CDC42BPA: variants seen among roughly 807,000 people sequenced by gnomAD.
The protein encoded by CDC42BPA is CDC42 binding protein kinase alpha, also known as serine/threonine-protein kinase MRCK alpha.
A neutral mutation model predicts 223.5 loss-of-function variants in CDC42BPA; 80 were observed. The ratio of observed to expected loss-of-function variants is 0.36; its 90% CI spans 0.30 to 0.43. The LOEUF (loss-of-function observed/expected upper bound fraction) is 0.43, where lower values mean the gene tolerates loss of function less well. Among genes scored for constraint, CDC42BPA ranks in the 20% least tolerant of loss-of-function variants. CDC42BPA has a pLI of 1.00. For missense variants in CDC42BPA, 1,743 were observed against 2,099.9 expected (o/e 0.83, Z 3.32); for synonymous variants, 694 against 718.6 (o/e 0.97, Z 0.55).
chr1:227,168,497 G>GTTTTTTTTTTTTGTTTTTGT lies in CDC42BPA; in HGVS notation c.600-7862_600-7861insACAAAAACAAAAAAAAAAAA, dbSNP rs1553374261. ...CTTTTTCATATTTATCTTCCCTGGT[G>GTTTTTTTTTTTTGTTTTTGT]TTTTTTTTTTTTTTTTGAGGCAGAG... On this transcript the variant is annotated intron_variant, in intron 5 of 36. Coordinates refer to ENST00000366766, the MANE Select transcript of CDC42BPA (RefSeq NM_001394014.1). 2.7e-3 allele frequency among the ~76,000 whole-genome samples: 216 copies of GTTTTTTTTTTTTGTTTTTGT among 80,206 alleles called. 13 individuals carry two copies. The highest frequency in any genetic ancestry group is 9.8e-3 in the African/African-American group (197 of 20,202). The allele number at this position is 80,206 out of a possible 152,430, so 52.6% of individuals were successfully genotyped here.
At chr1:227,197,584 T>C (rs1204179272) in intron 4 of CDC42BPA, among the ~76,000 whole-genome samples, 1 of 151,486 alleles carries the variant, frequency 6.6e-6, no homozygotes, top group Non-Finnish European at 1.5e-5. Context: ...TAAATCACAG[T>C]TCAGGCTTTT....
chr1:227,244,369 C>A (rs924045866), intron 2 of CDC42BPA, among the ~76,000 whole-genome samples: 1 of 151,956 alleles, frequency 6.6e-6, no homozygotes, highest in African/African-American at 2.4e-5. Context: ...TACTGTTGAG[C>A]ACAAGAAGCC....
chr1:227,122,848 A>G (rs895420083), intron 11 of CDC42BPA, among the ~76,000 whole-genome samples: 3 of 152,250 alleles, frequency 2.0e-5, no homozygotes, highest in Non-Finnish European at 2.9e-5. Context: ...GTCAAATACT[A>G]TAAAATGAGT....
intron 2 of CDC42BPA, among the ~76,000 whole-genome samples, chr1:227,253,808 T>G (rs1395763669): frequency 6.6e-6 from 1 of 152,048 alleles, no homozygotes; most frequent in Non-Finnish European, 1.5e-5. Flanking sequence ...AGAAACACAC[T>G]CATATTTACA....
At chr1:227,112,092 T>C (rs574751797) in intron 14 of CDC42BPA, 16 of 371,912 alleles carry the variant, frequency 4.3e-5, no homozygotes, top group African/African-American at 1.9e-4. Flanking sequence ...TCCCTCCTGA[T>C]AGATTCATAT....
At chr1:227,162,866 A>ATGTGTGTGTGTGTGTGTGTGTG (rs71574598) in intron 5 of CDC42BPA, among the ~76,000 whole-genome samples, 16 of 127,270 alleles carry the variant, frequency 1.3e-4, no homozygotes, top group South Asian at 5.8e-4. Flanking sequence ...AAATAAATAT[A>ATGTGTGTGTGTGTGTGTGTGTG]TATGTGTGTG....
At chr1:227,316,315 C>A (rs944776041) in intron 1 of CDC42BPA, among the ~76,000 whole-genome samples, 3 of 152,178 alleles carry the variant, frequency 2.0e-5, no homozygotes, top group Non-Finnish European at 2.9e-5. Flanking sequence ...TCTTCTAAAT[C>A]ACATCTATAT....
intron 1 of CDC42BPA, among the ~76,000 whole-genome samples, chr1:227,288,786 G>C (rs1689213793): frequency 6.6e-6 from 1 of 151,816 alleles, no homozygotes; most frequent in Non-Finnish European, 1.5e-5. Flanking sequence ...CCTGAGGTCA[G>C]GAGTTCGAGA....
chr1:227,215,504 G>A (rs1375730130), intron 2 of CDC42BPA, among the ~76,000 whole-genome samples: 2 of 152,142 alleles, frequency 1.3e-5, no homozygotes, highest in African/African-American at 4.8e-5. Flanking sequence ...AACTATTGAG[G>A]TATTGTGGTG....
intron 1 of CDC42BPA, among the ~76,000 whole-genome samples, chr1:227,314,534 TA>T (rs1694050714): frequency 6.6e-6 from 1 of 151,954 alleles, no homozygotes; most frequent in African/African-American, 2.4e-5. Context: ...TGTACCAATA[TA>T]AAAATAAAAT....
At chr1:227,192,528 A>G (rs1184504084) in intron 5 of CDC42BPA, among the ~76,000 whole-genome samples, 1 of 152,196 alleles carries the variant, frequency 6.6e-6, no homozygotes, top group Non-Finnish European at 1.5e-5. Context: ...ACTTGGCAGT[A>G]TCCCTTTACG....
intron 2 of CDC42BPA, among the ~76,000 whole-genome samples, chr1:227,239,949 G>A (rs2718198): frequency 0.16 from 23,907 of 151,906 alleles, 2,134 homozygotes; most frequent in East Asian, 0.37. Flanking sequence ...GAAATAGAAA[G>A]TCTACAAAGT....
At chr1:227,205,212 T>C (rs1672447057) in intron 3 of CDC42BPA, among the ~76,000 whole-genome samples, 1 of 145,612 alleles carries the variant, frequency 6.9e-6, no homozygotes, top group Non-Finnish European at 1.5e-5. Flanking sequence ...GAGGCTGCAG[T>C]GAGCCAAGAT....
At chr1:227,201,912 T>A (rs993210794) in intron 3 of CDC42BPA, among the ~76,000 whole-genome samples, 5 of 152,158 alleles carry the variant, frequency 3.3e-5, no homozygotes, top group African/African-American at 1.2e-4. Flanking sequence ...CTATATATAA[T>A]AAGTGATTAT....
At chr1:227,095,557 C>A (rs1572774376) in intron 15 of CDC42BPA, among the ~76,000 whole-genome samples, 1 of 147,338 alleles carries the variant, frequency 6.8e-6, no homozygotes, top group African/African-American at 2.5e-5. Context: ...CTTAAAAAAT[C>A]TTCTAAGGAA....
chr1:227,144,574 C>CAAAAAAAAAAAAAAA (rs57568297), intron 8 of CDC42BPA, among the ~76,000 whole-genome samples: 18 of 63,482 alleles, frequency 2.8e-4, no homozygotes, highest in East Asian at 5.9e-4. Flanking sequence ...GACTCTGTCT[C>CAAAAAAAAAAAAAAA]AAAAAAAAAA....
intron 1 of CDC42BPA, among the ~76,000 whole-genome samples, chr1:227,285,751 TA>T (rs1242410349): frequency 2.0e-5 from 3 of 151,988 alleles, no homozygotes; most frequent in Admixed American, 6.6e-5. Context: ...CACGCTAGTG[TA>T]AAAAAAGGAG....
chr1:227,253,465 G>A (rs532138880), intron 2 of CDC42BPA, among the ~76,000 whole-genome samples: 2 of 152,166 alleles, frequency 1.3e-5, no homozygotes, highest in East Asian at 1.9e-4. Context: ...GCCTGATGGC[G>A]GACGCCTGTA....
intron 16 of CDC42BPA, among the ~76,000 whole-genome samples, chr1:227,083,323 A>G (rs1258670354): frequency 4.0e-5 from 6 of 151,822 alleles, no homozygotes; most frequent in Non-Finnish European, 8.8e-5. Context: ...GTTTCTCTCC[A>G]ATCTGTTTTT....
Sources: gnomAD v4.1 joint callset for allele counts (sites outside exome capture counted in the v4.1 genomes callset) on GRCh38, gnomAD v4.1.1 for gene constraint, MANE v1.5 for transcripts, NCBI Gene and HGNC (gene_info 2026-07-23, HGNC 2026-07-21) for gene names.